NAALADL2: variants seen among roughly 807,000 people sequenced by gnomAD.
The protein encoded by NAALADL2 is N-acetylated alpha-linked acidic dipeptidase like 2, also known as inactive N-acetylated-alpha-linked acidic dipeptidase-like protein 2.
Under a neutral mutation model 87.2 loss-of-function variants are expected in NAALADL2, and 76 were observed. The observed-to-expected ratio is 0.87, with a 90% CI of 0.72 to 1.05. The LOEUF is 1.05. Among genes scored for constraint, NAALADL2 ranks in the 50% least tolerant of loss-of-function variants. NAALADL2 has a pLI of 0.00. For missense variants in NAALADL2, 1,089 were observed against 945.8 expected (o/e 1.15, Z -1.99); for synonymous variants, 354 against 331.0 (o/e 1.07, Z -0.75).
At chr3:175,687,498 C>A (rs1224265864) in intron 11 of NAALADL2, among the ~76,000 whole-genome samples, 1 of 152,110 alleles carries the variant, frequency 6.6e-6, no homozygotes, top group Non-Finnish European at 1.5e-5. Flanking sequence ...ATCTTCCTAA[C>A]AATCTTTTGA....
chr3:175,431,677 A>G (rs946022206), intron 5 of NAALADL2, among the ~76,000 whole-genome samples: 1 of 152,036 alleles, frequency 6.6e-6, no homozygotes, highest in Non-Finnish European at 1.5e-5. Flanking sequence ...AGTTCTTTGT[A>G]TGCAGAAGTG....
intron 5 of NAALADL2, among the ~76,000 whole-genome samples, chr3:175,377,006 TAA>T (rs112464583): frequency 7.0e-5 from 9 of 128,666 alleles, no homozygotes; most frequent in African/African-American, 2.6e-4. Context: ...GGCCTTCTTT[TAA>T]AAAAAAAAAA....
At chr3:175,316,016 C>T (rs191590954) in intron 4 of NAALADL2, among the ~76,000 whole-genome samples, 42 of 152,218 alleles carry the variant, frequency 2.8e-4, no homozygotes, top group Non-Finnish European at 5.9e-5. Flanking sequence ...AGTTAGACTA[C>T]ATGGTTTTTC....
At chr3:175,436,286 T>G (rs1004239148) in intron 5 of NAALADL2, among the ~76,000 whole-genome samples, 1 of 148,046 alleles carries the variant, frequency 6.8e-6, no homozygotes, top group Admixed American at 6.9e-5. Context: ...GTCTTTGCTA[T>G]TGTGAATAAT....
intron 1 of NAALADL2, among the ~76,000 whole-genome samples, chr3:174,884,342 G>T (rs1729797996): frequency 1.3e-5 from 2 of 152,148 alleles, no homozygotes; most frequent in Non-Finnish European, 2.9e-5. Flanking sequence ...GCCCTGAAAA[G>T]TATTGTCACC....
chr3:175,786,785 G>C (rs1050249319), intron 13 of NAALADL2, among the ~76,000 whole-genome samples: 5 of 151,842 alleles, frequency 3.3e-5, no homozygotes, highest in Admixed American at 1.3e-4. Context: ...GAGGAGAGGC[G>C]CTCTGCGTTT....
chr3:175,666,630 G>A (rs1183393769), intron 11 of NAALADL2, among the ~76,000 whole-genome samples: 1 of 152,026 alleles, frequency 6.6e-6, no homozygotes, highest in Non-Finnish European at 1.5e-5. Context: ...GTTCAAATTT[G>A]TTTTATTTGT....
intron 2 of NAALADL2, among the ~76,000 whole-genome samples, chr3:175,202,022 A>G (rs981736001): frequency 6.6e-6 from 1 of 152,104 alleles, no homozygotes; most frequent in Non-Finnish European, 1.5e-5. Context: ...AGTCCACATC[A>G]CAGCTCTAAC....
chr3:175,710,628 A>G (rs749956219), intron 11 of NAALADL2, among the ~76,000 whole-genome samples: 4 of 151,492 alleles, frequency 2.6e-5, no homozygotes, highest in Non-Finnish European at 2.9e-5. Context: ...ACACATATAG[A>G]CACTTTAAAT....
At chr3:175,458,333 C>A (rs912628229) in intron 6 of NAALADL2, among the ~76,000 whole-genome samples, 4 of 151,382 alleles carry the variant, frequency 2.6e-5, no homozygotes, top group Non-Finnish European at 5.9e-5. Context: ...TATCTATACA[C>A]TCAGATTTAT....
intron 3 of NAALADL2, among the ~76,000 whole-genome samples, chr3:174,756,428 T>C (rs1349814228): frequency 6.6e-6 from 1 of 152,242 alleles, no homozygotes; most frequent in Non-Finnish European, 1.5e-5. Flanking sequence ...CTGCTCCATC[T>C]ACTGGAATAA....
intron 2 of NAALADL2, among the ~76,000 whole-genome samples, chr3:175,119,532 G>A (rs922730774): frequency 6.6e-6 from 1 of 151,004 alleles, no homozygotes; most frequent in Non-Finnish European, 1.5e-5. Context: ...GACAGAGAGG[G>A]AGAGAGAGAG....
intron 1 of NAALADL2, among the ~76,000 whole-genome samples, chr3:174,921,594 G>A (rs1735190981): frequency 6.6e-6 from 1 of 152,022 alleles, no homozygotes; most frequent in South Asian, 2.1e-4. Flanking sequence ...CAAGTCAGGA[G>A]ATCGAGACCA....
At chr3:174,898,056 T>G (rs182049847) in intron 1 of NAALADL2, among the ~76,000 whole-genome samples, 11,491 of 113,706 alleles carry the variant, frequency 0.1, 839 homozygotes, top group Middle Eastern at 0.2. Context: ...GAGCTTGCAG[T>G]GAGCCGAGAT....
At chr3:175,503,745 T>A (rs1244563849) in intron 9 of NAALADL2, among the ~76,000 whole-genome samples, 1 of 152,210 alleles carries the variant, frequency 6.6e-6, no homozygotes, top group Non-Finnish European at 1.5e-5. Context: ...AAGTGTCTGT[T>A]CATGTCCTTT....
intron 5 of NAALADL2, among the ~76,000 whole-genome samples, chr3:175,419,333 GT>G (rs1223180019): frequency 2.0e-5 from 3 of 151,614 alleles, no homozygotes; most frequent in African/African-American, 7.3e-5. Context: ...TATGTCCTCT[GT>G]TTTATATTTC....
At chr3:175,449,691 C>A (rs1446147033) in intron 6 of NAALADL2, among the ~76,000 whole-genome samples, 1 of 152,140 alleles carries the variant, frequency 6.6e-6, no homozygotes, top group Non-Finnish European at 1.5e-5. Flanking sequence ...CCACGCCCAG[C>A]CTTAATTTTC....
At chr3:175,160,360 C>CTTTTTTT (rs71164618) in intron 2 of NAALADL2, among the ~76,000 whole-genome samples, 881 of 57,002 alleles carry the variant, frequency 0.015, 114 homozygotes, top group Middle Eastern at 0.054. Flanking sequence ...TCTTTTCTTT[C>CTTTTTTT]TTTTTTTTTT....
chr3:175,509,729 G>C (rs984970829), intron 9 of NAALADL2, among the ~76,000 whole-genome samples: 2 of 152,224 alleles, frequency 1.3e-5, no homozygotes, highest in South Asian at 2.1e-4. Flanking sequence ...GAGAGACTGG[G>C]TAATTTATAA....
Sources: allele counts gnomAD v4.1 joint callset (sites outside exome capture counted in the v4.1 genomes callset), GRCh38; gene constraint gnomAD v4.1.1; transcripts MANE v1.5; gene names NCBI Gene and HGNC (gene_info 2026-07-23, HGNC 2026-07-21).